The following CCPG1 variants were observed in gnomAD, a reference collection of about 807,000 sequenced individuals.
CCPG1 encodes cell cycle progression 1.
In CCPG1, 46 loss-of-function variants were observed where a neutral mutation model predicts 81.3. The observed-to-expected ratio is 0.57, with a 90% CI of 0.45 to 0.72. The LOEUF (loss-of-function observed/expected upper bound fraction) is 0.72. Among genes scored for constraint, CCPG1 ranks in the 30% least tolerant of loss-of-function variants. The probability of loss-of-function intolerance (pLI) is 0.00; values close to 1 mark genes in which losing one functional copy is unlikely to be tolerated. For missense variants in CCPG1, 902 were observed against 937.6 expected (o/e 0.96, Z 0.50); for synonymous variants, 330 against 305.2 (o/e 1.08, Z -0.85).
chr15:55,356,611 C>T, intron 8 of CCPG1: 2 of 1,232,428 alleles, frequency 1.6e-6, no homozygotes, highest in Non-Finnish European at 2.0e-6. Flanking sequence ...AAAAAATAGA[C>T]AATAACTCTA....
chr15:55,376,042 A>G (rs966444411), intron 5 of CCPG1, among the ~76,000 whole-genome samples: 6 of 152,188 alleles, frequency 3.9e-5, no homozygotes, highest in African/African-American at 1.2e-4. Flanking sequence ...CAGAAATTCT[A>G]TTGTCTGATT....
chr15:55,360,524 C>T lies in CCPG1; in HGVS notation c.1249G>A (p.Val417Ile), dbSNP rs933118188. Reference protein sequence around the residue: ...QLHGKSDSPNVYTEKKEIAIL... With the variant: ...QLHGKSDSPNIYTEKKEIAIL... Reference sequence around the variant, plus strand: ...GCTATTTCCTTTTTTTCAGTATATACATTGGGAGAATCTGACTTGCCATGT... The same window carrying T: ...GCTATTTCCTTTTTTTCAGTATATATATTGGGAGAATCTGACTTGCCATGT... The change falls in exon 8 of 9, where the codon GTA becomes ATA. Residue 417 changes from valine to isoleucine, a missense_variant. By Grantham distance (29) the Val-to-Ile change is conservative. This residue lies in a region of CCPG1 where 746 missense variants were observed against 728.6 expected (regional missense o/e 1.02). Coordinates refer to ENST00000442196, the MANE Select transcript of CCPG1 (RefSeq NM_001204450.2). 1.9e-6 allele frequency: 3 copies of T among 1,613,972 alleles called. No homozygotes were observed. The African/African-American group carries it at 4.0e-5, about 22-fold the overall frequency.
Position 55,360,144 on chromosome 15 carries a change from G to T in CCPG1, c.1629C>A (p.Ile543=), listed in dbSNP as rs1397414594. The T allele has an allele frequency of 6.2e-7, 1 of 1,613,456 alleles. No individual in the cohort carries two copies. The highest frequency in any genetic ancestry group is 1.1e-5 in the South Asian group (1 of 90,952). Residue 543 remains isoleucine, a synonymous_variant, in exon 8 of 9, where the codon ATC becomes ATA. Coordinates refer to ENST00000442196, the MANE Select transcript of CCPG1 (RefSeq NM_001204450.2). The part of the protein sequence containing the change: ...FRHFKDTTKN[I]FDEKGNKRFG... Reference sequence around the variant, plus strand: ...ATCTTTTATTACCCTTTTCATCAAAGATATTCTTGGTGGTATCTTTAAAGT... The same window carrying T: ...ATCTTTTATTACCCTTTTCATCAAATATATTCTTGGTGGTATCTTTAAAGT...
At chr15:55,396,755 C>T (rs543170941) in intron 1 of CCPG1, among the ~76,000 whole-genome samples, 5 of 152,078 alleles carry the variant, frequency 3.3e-5, no homozygotes, top group Admixed American at 1.3e-4. Flanking sequence ...TATATGTGAG[C>T]AAAGATTTGA....
chr15:55,375,998 C>T (rs896254613), intron 5 of CCPG1, among the ~76,000 whole-genome samples: 1 of 152,186 alleles, frequency 6.6e-6, no homozygotes, highest in African/African-American at 2.4e-5. Flanking sequence ...CCAAGAACCT[C>T]TACTTGACAT....
Position 55,378,348 on chromosome 15 carries a change from C to T in CCPG1, c.204G>A (p.Met68Ile). The T allele has an allele frequency of 6.2e-7, 1 of 1,611,356 alleles. No homozygotes were observed. Among genetic ancestry groups the T allele is most frequent in the Middle Eastern group, 1.8e-4 (1 of 5,700 alleles). ...CCAAAGCTGGATAAGCAGTTTCTTC[C>T]ATAAGCACTGTGCCATTTTGGCTGC... ...GESSQNGTVL[M>I]EETAYPALEE... Residue 68 changes from methionine (M) to isoleucine (I), a missense_variant, in exon 4 of 9, where the codon ATG (methionine) becomes ATA (isoleucine). Met to Ile is a conservative substitution (Grantham distance 10). Coordinates refer to ENST00000442196, the MANE Select transcript of CCPG1 (RefSeq NM_001204450.2).
rs565044184 is a variant in CCPG1 at position 55,363,799 on chromosome 15, C to CTTTTTT, written c.828+1383_828+1388dup. Among the ~76,000 whole-genome samples the CTTTTTT allele has an allele frequency of 1.1e-3, 101 of 93,924 alleles. 4 individuals carry two copies. Among genetic ancestry groups the CTTTTTT allele is most frequent in the Middle Eastern group, 7.0e-3 (1 of 142 alleles). The allele number at this position is 93,924 out of a possible 152,430, so 61.6% of individuals were successfully genotyped here. On this transcript the variant is annotated intron_variant, in intron 7 of 8. Coordinates refer to ENST00000442196, the MANE Select transcript of CCPG1 (RefSeq NM_001204450.2). ...AATAGCTTACTTTTCTTTCCTTTTCCTTTTTTTTTTTTTTTTTTTTTTTTG... is the reference window on the plus strand; with the variant it reads ...AATAGCTTACTTTTCTTTCCTTTTCCTTTTTTTTTTTTTTTTTTTTTTTTTTTTTTG...
At chr15:55,382,086 G>A (rs2141294560) in intron 3 of CCPG1, among the ~76,000 whole-genome samples, 1 of 152,278 alleles carries the variant, frequency 6.6e-6, no homozygotes, top group Non-Finnish European at 1.5e-5. Context: ...TATTTTTGCT[G>A]GTGGAGAGTC....
At chr15:55,394,344 T>C (rs933806689) in intron 1 of CCPG1, among the ~76,000 whole-genome samples, 6 of 152,154 alleles carry the variant, frequency 3.9e-5, no homozygotes, top group African/African-American at 9.7e-5. Flanking sequence ...AAGTGTAGGA[T>C]AGCTCACAGG....
At chr15:55,382,570 C>T (rs530247126) in intron 3 of CCPG1, among the ~76,000 whole-genome samples, 8 of 148,816 alleles carry the variant, frequency 5.4e-5, no homozygotes, top group South Asian at 2.1e-4. Flanking sequence ...AGTGCAGTGG[C>T]GCGATCTTGG....
intron 1 of CCPG1, among the ~76,000 whole-genome samples, chr15:55,398,729 G>A (rs547072263): frequency 6.6e-5 from 10 of 151,966 alleles, no homozygotes; most frequent in South Asian, 2.1e-4. Flanking sequence ...TTACAGGTGC[G>A]CACCACCATG....
At chr15:55,365,126 G>T in intron 7 of CCPG1, 62 bp downstream of exon 7, 1 of 977,296 alleles carries the variant, frequency 1.0e-6, no homozygotes, top group Non-Finnish European at 1.6e-6. Context: ...AGCACAATAA[G>T]CTCTAACTAA....
Position 55,358,326 on chromosome 15 carries a change from G to A in CCPG1, c.2234+1213C>T, listed in dbSNP as rs143843522. ...ATCCCTGGTTTCCAGCATCCACTGG[G>A]GGTCTTGGAACATATATCCTGAAGA... On this transcript the variant is annotated intron_variant, in intron 8 of 8. Transcript: ENST00000442196. The A allele has an allele frequency of 3.4e-4, 326 of 959,448 alleles. 5 individuals carry two copies. The East Asian group carries it at 0.027, about 80-fold the overall frequency. The allele number at this position is 959,448 out of a possible 1,614,324, so 59.4% of individuals were successfully genotyped here.
At chr15:55,388,025 C>T (rs1190513720) in intron 2 of CCPG1, among the ~76,000 whole-genome samples, 3 of 151,808 alleles carry the variant, frequency 2.0e-5, no homozygotes, top group Non-Finnish European at 4.4e-5. Flanking sequence ...GTGGCACATG[C>T]CTGTAATCCC....
intron 8 of CCPG1, chr15:55,357,238 A>G (rs922043876): frequency 2.2e-6 from 2 of 893,502 alleles, no homozygotes; most frequent in East Asian, 1.9e-4. Context: ...CTACTATCCA[A>G]CAAGATGACC....
At chr15:55,359,159 T>A in intron 8 of CCPG1, 1 of 978,902 alleles carries the variant, frequency 1.0e-6, no homozygotes, top group Non-Finnish European at 1.2e-6. Context: ...GTGTTGCTCA[T>A]TCCTAGCTTC....
intron 3 of CCPG1, among the ~76,000 whole-genome samples, chr15:55,381,096 C>T (rs2056682034): frequency 6.6e-6 from 1 of 151,922 alleles, no homozygotes; most frequent in South Asian, 2.1e-4. Flanking sequence ...GAGATCCCGC[C>T]ACTGCACTCC....
intron 5 of CCPG1, among the ~76,000 whole-genome samples, chr15:55,376,188 C>T (rs2056561302): frequency 1.3e-5 from 2 of 152,138 alleles, no homozygotes; most frequent in South Asian, 4.1e-4. Flanking sequence ...TTGTCTCTGC[C>T]ATAACTCACG....
At chr15:55,395,022 G>A (rs974191552) in intron 1 of CCPG1, among the ~76,000 whole-genome samples, 26 of 152,034 alleles carry the variant, frequency 1.7e-4, no homozygotes, top group African/African-American at 6.3e-4. Flanking sequence ...ATGGATTTGA[G>A]ACTGATCTCC....
Sources: gnomAD v4.1 joint callset for allele counts (sites outside exome capture counted in the v4.1 genomes callset) on GRCh38, gnomAD v4.1.1 for gene constraint, gnomAD v4.1.1 regional missense constraint, MANE v1.5 for transcripts, NCBI Gene and HGNC (gene_info 2026-07-23, HGNC 2026-07-21) for gene names.